IQCH: variants seen among roughly 807,000 people sequenced by gnomAD.
IQCH encodes IQ motif containing H, also known as IQ domain-containing protein H.
A neutral mutation model predicts 117.0 loss-of-function variants in IQCH; 98 were observed. That is an observed-to-expected ratio of 0.84 (90% CI 0.71 to 0.99). The LOEUF is 0.99. IQCH is among the 50% of genes least tolerant of loss of function. The probability of loss-of-function intolerance (pLI) is 0.00; values close to 1 mark genes in which losing one functional copy is unlikely to be tolerated. For missense variants in IQCH, 1,102 were observed against 1,243.8 expected (o/e 0.89, Z 1.72); for synonymous variants, 412 against 448.2 (o/e 0.92, Z 1.02).
Position 67,365,291 on chromosome 15 carries a change from T to C in IQCH, c.753+5406T>C, listed in dbSNP as rs1970293384. Among the ~76,000 whole-genome samples the C allele has an allele frequency of 6.6e-6, 1 of 152,234 alleles. No individual in the cohort carries two copies. Among genetic ancestry groups the C allele is most frequent in the Non-Finnish European group, 1.5e-5 (1 of 68,044 alleles). On this transcript the variant is annotated intron_variant, in intron 8 of 20. Coordinates refer to ENST00000335894, the MANE Select transcript of IQCH (RefSeq NM_001031715.3). The surrounding 1 kb of genome is among the most constrained non-coding windows in gnomAD (Gnocchi z 4.4). ...GGGTATGGACATTTTTGTATCTCAG[T>C]AGCCAAACTTTGCATTAGTGCTCCA...
intron 13 of IQCH, among the ~76,000 whole-genome samples, chr15:67,398,975 TACTTATAA>T (rs1391846099): frequency 6.6e-6 from 1 of 152,210 alleles, no homozygotes; most frequent in Non-Finnish European, 1.5e-5. Context: ...AGGTGAGTAT[TACTTATAA>T]TTAAGTCATC....
At chr15:67,350,575 C>T (rs565360107) in intron 6 of IQCH, among the ~76,000 whole-genome samples, 3 of 152,098 alleles carry the variant, frequency 2.0e-5, no homozygotes, top group Admixed American at 6.5e-5. Flanking sequence ...TACAGGCGCC[C>T]GCAACCACAC....
chr15:67,298,551 A>G (rs1209093823), intron 4 of IQCH, among the ~76,000 whole-genome samples: 1 of 151,712 alleles, frequency 6.6e-6, no homozygotes, highest in Admixed American at 6.6e-5. Flanking sequence ...ACTATGGAGA[A>G]CGGTTTGGAA....
In IQCH at chr15:67,465,156, T is replaced by A. The variant is rs764316081; in HGVS notation, c.2535T>A (p.Tyr845Ter). 1 of 1,614,148 alleles carries A rather than the reference T, an allele frequency of 6.2e-7. No individual in the cohort carries two copies. The highest frequency in any genetic ancestry group is 2.2e-5 in the East Asian group (1 of 44,882). ...QVWATGLNLA[Y>*]SDQLALTQLT... ...GGGCAACCGGCCTTAACCTCGCATATAGTGACCAGCTGGCCCTGACTCAAC... is the reference window on the plus strand; with the variant it reads ...GGGCAACCGGCCTTAACCTCGCATAAAGTGACCAGCTGGCCCTGACTCAAC... The change falls in exon 17 of 21, where the codon TAT (tyrosine) becomes TAA (stop). Residue 845 changes from tyrosine to a stop codon, truncating the protein, a stop_gained. Coordinates refer to ENST00000335894, the MANE Select transcript of IQCH (RefSeq NM_001031715.3). LOFTEE classifies it high-confidence loss of function. This position sits in a 1 kb window ranked among gnomAD's most constrained non-coding sequence, Gnocchi z 5.9.
intron 5 of IQCH, among the ~76,000 whole-genome samples, chr15:67,341,881 G>A (rs1193045597): frequency 2.0e-5 from 3 of 152,206 alleles, no homozygotes; most frequent in Non-Finnish European, 4.4e-5. Flanking sequence ...AAATTTGCAT[G>A]TGTATAAACA....
intron 1 of IQCH, among the ~76,000 whole-genome samples, chr15:67,256,432 C>T (rs1965206434): frequency 2.0e-5 from 3 of 152,090 alleles, no homozygotes; most frequent in African/African-American, 4.8e-5. Flanking sequence ...TTTAGTTTCC[C>T]GCTGCTCCAG....
intron 1 of IQCH, among the ~76,000 whole-genome samples, chr15:67,259,441 A>G (rs531930000): frequency 1.3e-5 from 2 of 152,368 alleles, no homozygotes; most frequent in East Asian, 3.9e-4. Context: ...ATTTAGATGT[A>G]TATGGAAATT....
intron 17 of IQCH, among the ~76,000 whole-genome samples, chr15:67,471,171 G>C (rs1156442636): frequency 1.3e-5 from 2 of 151,922 alleles, no homozygotes; most frequent in Non-Finnish European, 2.9e-5. Flanking sequence ...GAATAACTTT[G>C]TGTATATATC....
intron 4 of IQCH, among the ~76,000 whole-genome samples, chr15:67,324,058 C>G (rs183487266): frequency 1.3e-5 from 2 of 149,674 alleles, no homozygotes; most frequent in Admixed American, 1.3e-4. Flanking sequence ...GTTCTCCTGT[C>G]TCAGCCTCCC....
At chr15:67,349,711 A>G (rs1969569307) in intron 6 of IQCH, among the ~76,000 whole-genome samples, 1 of 152,206 alleles carries the variant, frequency 6.6e-6, no homozygotes, top group African/African-American at 2.4e-5. Flanking sequence ...AAAGACTCTT[A>G]AAACTCAGTG....
rs1277363735 is a variant in IQCH at position 67,377,142 on chromosome 15, A to G, written c.1372+3709A>G. On this transcript the variant is annotated intron_variant, in intron 10 of 20. Transcript: ENST00000335894. ...AAAAAAAAAAAAAAAGAAAAAAAGAAAAAAAGAAAGGAGGACTTATGAAAC... is the reference window on the plus strand; with the variant it reads ...AAAAAAAAAAAAAAAGAAAAAAAGAGAAAAAGAAAGGAGGACTTATGAAAC... Among the ~76,000 whole-genome samples the G allele has an allele frequency of 2.0e-5, 3 of 151,650 alleles. No individual in the cohort carries two copies. The East Asian group carries it at 5.8e-4, about 29-fold the overall frequency.
chr15:67,319,490 C>G (rs1380965388), intron 4 of IQCH, among the ~76,000 whole-genome samples: 1 of 152,228 alleles, frequency 6.6e-6, no homozygotes, highest in African/African-American at 2.4e-5. Flanking sequence ...AGTCTGTTTC[C>G]TTTGGTTTCC....
At chr15:67,399,968 A>T in intron 13 of IQCH, 146 bp from the exon 14 acceptor site, 1 of 576,632 alleles carries the variant, frequency 1.7e-6, no homozygotes, top group Non-Finnish European at 3.0e-6. Flanking sequence ...AACTTCTTTA[A>T]TCTGTCTTAA....
At position 67,362,952 on chromosome 15, in the gene IQCH, C is replaced by T. The variant is rs563727743; in HGVS notation, c.753+3067C>T. 6.6e-5 allele frequency among the ~76,000 whole-genome samples: 10 copies of T among 152,338 alleles called. No homozygotes were observed. In the South Asian group the frequency reaches 2.1e-3, roughly 32 times the overall value. ...TAAAAGGCACAGGGTGCCTCCCTGG[C>T]TGACTTTGCTCCCAGCACAATTTAG... is the stretch of plus-strand genomic sequence containing the variant. On this transcript the variant is annotated intron_variant, in intron 8 of 20. Coordinates refer to ENST00000335894, the MANE Select transcript of IQCH (RefSeq NM_001031715.3).
intron 4 of IQCH, among the ~76,000 whole-genome samples, 189 bp from the exon 5 acceptor site, chr15:67,336,785 TA>T (rs1476201197): frequency 6.6e-6 from 1 of 152,190 alleles, no homozygotes; most frequent in Non-Finnish European, 1.5e-5. Context: ...TTAACTATTT[TA>T]AATTACACAA....
At chr15:67,309,242 A>G (rs1348063213) in intron 4 of IQCH, among the ~76,000 whole-genome samples, 1 of 152,086 alleles carries the variant, frequency 6.6e-6, no homozygotes, top group Non-Finnish European at 1.5e-5. Flanking sequence ...AGTCTCATAT[A>G]TTGTATTGTG....
chr15:67,462,692 A>G (rs200926657), intron 16 of IQCH, among the ~76,000 whole-genome samples: 2 of 152,092 alleles, frequency 1.3e-5, no homozygotes, highest in East Asian at 3.9e-4. Flanking sequence ...CCTTATTACC[A>G]AAGCATTAAT....
intron 18 of IQCH, among the ~76,000 whole-genome samples, chr15:67,482,234 A>C (rs938246945): frequency 5.3e-5 from 8 of 151,992 alleles, no homozygotes; most frequent in Non-Finnish European, 1.5e-5. Flanking sequence ...CCACCAAAGG[A>C]TAGGGGCCCT....
At chr15:67,258,067 T>TA (rs1965296626) in intron 1 of IQCH, among the ~76,000 whole-genome samples, 1 of 150,856 alleles carries the variant, frequency 6.6e-6, no homozygotes, top group Non-Finnish European at 1.5e-5. Flanking sequence ...CCGTCTCTAC[T>TA]AAAAAATACA....
Sources: gnomAD v4.1 joint callset for allele counts (sites outside exome capture counted in the v4.1 genomes callset) on GRCh38, gnomAD v4.1.1 for gene constraint, Gnocchi (gnomAD v3.1) non-coding constraint, MANE v1.5 for transcripts, NCBI Gene and HGNC (gene_info 2026-07-23, HGNC 2026-07-21) for gene names.